NRG3: variants seen among roughly 807,000 people sequenced by gnomAD.
NRG3 encodes pro-neuregulin-3, membrane-bound isoform.
Under a neutral mutation model 66.9 loss-of-function variants are expected in NRG3, and 31 were observed. The ratio of observed to expected loss-of-function variants is 0.46; its 90% CI spans 0.35 to 0.63. NRG3 has a LOEUF of 0.63. Among genes scored for constraint, NRG3 ranks in the 20% least tolerant of loss-of-function variants. NRG3 has a pLI of 0.00. For synonymous variants in NRG3, 393 were observed against 359.4 expected (o/e 1.09, Z -1.06); for missense variants, 910 against 878.9 (o/e 1.04, Z -0.45).
At chr10:82,481,771 G>T (rs1257236884) in intron 2 of NRG3, among the ~76,000 whole-genome samples, 1 of 152,100 alleles carries the variant, frequency 6.6e-6, no homozygotes, top group Admixed American at 6.6e-5. Context: ...GATCACTTGA[G>T]GTCAGGAGTT....
At chr10:82,364,454 T>C (rs2084392629) in intron 2 of NRG3, among the ~76,000 whole-genome samples, 1 of 152,162 alleles carries the variant, frequency 6.6e-6, no homozygotes, top group South Asian at 2.1e-4. Context: ...ATATTCTGAA[T>C]AAAATCAGAA....
At chr10:82,308,666 A>C (rs1379952183) in intron 1 of NRG3, among the ~76,000 whole-genome samples, 1 of 152,132 alleles carries the variant, frequency 6.6e-6, no homozygotes, top group Non-Finnish European at 1.5e-5. Context: ...TTTTAGTTCA[A>C]GTATTAATAT....
At chr10:82,008,717 C>A (rs541049996) in intron 1 of NRG3, among the ~76,000 whole-genome samples, 2 of 151,978 alleles carry the variant, frequency 1.3e-5, no homozygotes, top group South Asian at 4.2e-4. Context: ...TCCTTGGTAC[C>A]CATGAGGAAC....
At chr10:82,062,320 G>A (rs2133243537) in intron 1 of NRG3, among the ~76,000 whole-genome samples, 1 of 152,134 alleles carries the variant, frequency 6.6e-6, no homozygotes, top group South Asian at 2.1e-4. Context: ...TAAGAATTAA[G>A]GCAGGCCGGG....
chr10:82,401,101 G>A (rs1365844235), intron 2 of NRG3, among the ~76,000 whole-genome samples: 3 of 152,018 alleles, frequency 2.0e-5, no homozygotes, highest in Admixed American at 2.0e-4. Context: ...AGGGCTTCCT[G>A]GAATGCAGAA....
chr10:82,564,058 T>A (rs2045233183), intron 2 of NRG3, among the ~76,000 whole-genome samples: 1 of 152,108 alleles, frequency 6.6e-6, no homozygotes, highest in African/African-American at 2.4e-5. Flanking sequence ...GGGTCATTTT[T>A]TGAGAAACAG....
rs999876279 is a variant in NRG3, at chr10:82,358,746, G to A, written c.831G>A (p.Thr277=). The A allele has an allele frequency of 1.4e-5, 22 of 1,613,908 alleles. No individual in the cohort carries two copies. The highest frequency in any genetic ancestry group is 2.2e-5 in the East Asian group (1 of 44,876). The change falls in exon 2 of 9, where the codon ACG becomes ACA. Residue 277 remains threonine, a synonymous_variant. Transcript: ENST00000372141. ...CTGTGCTTTCCCTGACAGATACGACGACATATTCCACAGAGCGATCCGAGC... is the reference window on the plus strand; with the variant it reads ...CTGTGCTTTCCCTGACAGATACGACAACATATTCCACAGAGCGATCCGAGC... The part of the protein sequence containing the change: ...ETSTSPKFHT[T]TYSTERSEHF...
chr10:82,159,595 C>T (rs555222467), intron 1 of NRG3, among the ~76,000 whole-genome samples: 1 of 151,924 alleles, frequency 6.6e-6, no homozygotes, highest in South Asian at 2.1e-4. Context: ...ATATTTTAAG[C>T]ATGTTTATTT....
chr10:82,650,982 CA>C (rs1208574881), intron 2 of NRG3, among the ~76,000 whole-genome samples: 1 of 152,114 alleles, frequency 6.6e-6, no homozygotes, highest in Non-Finnish European at 1.5e-5. Flanking sequence ...CACATTTAAA[CA>C]GAGAAGCTTT....
At chr10:82,700,870 A>T (rs1442679662) in intron 2 of NRG3, among the ~76,000 whole-genome samples, 1 of 152,134 alleles carries the variant, frequency 6.6e-6, no homozygotes, top group Non-Finnish European at 1.5e-5. Flanking sequence ...GATCTTGGAC[A>T]CAAGGGAACA....
At chr10:82,721,947 GA>G (rs537584553) in intron 2 of NRG3, among the ~76,000 whole-genome samples, 5,779 of 108,780 alleles carry the variant, frequency 0.053, 342 homozygotes, top group African/African-American at 0.16. Context: ...TTTGTTACAA[GA>G]AAAAAAAAAA....
At chr10:81,894,288 C>T (rs1367671479) in intron 1 of NRG3, among the ~76,000 whole-genome samples, 1 of 151,904 alleles carries the variant, frequency 6.6e-6, no homozygotes, top group Non-Finnish European at 1.5e-5. Flanking sequence ...TTGCAGTGAG[C>T]CAAGATCACA....
intron 2 of NRG3, among the ~76,000 whole-genome samples, chr10:82,613,427 AT>A (rs940243721): frequency 4.0e-5 from 6 of 151,582 alleles, no homozygotes; most frequent in South Asian, 2.1e-4. Flanking sequence ...TTTAAAAAAA[AT>A]AATTAATTAA....
chr10:82,494,938 T>A (rs974512004), intron 2 of NRG3, among the ~76,000 whole-genome samples: 5 of 151,984 alleles, frequency 3.3e-5, no homozygotes, highest in Non-Finnish European at 5.9e-5. Context: ...TCTTTCTTTT[T>A]TCTTTTTTTT....
intron 1 of NRG3, among the ~76,000 whole-genome samples, chr10:82,246,969 GC>G (rs1256068074): frequency 6.6e-6 from 1 of 152,150 alleles, no homozygotes; most frequent in Non-Finnish European, 1.5e-5. Context: ...GAGAAAACCT[GC>G]CGTAAGCTAT....
chr10:82,490,816 C>A (rs1449464818), intron 2 of NRG3, among the ~76,000 whole-genome samples: 1 of 152,088 alleles, frequency 6.6e-6, no homozygotes, highest in Non-Finnish European at 1.5e-5. Flanking sequence ...TGTTAACACA[C>A]TGATCCAAAC....
chr10:82,199,136 C>T (rs921776080), intron 1 of NRG3, among the ~76,000 whole-genome samples: 1 of 147,320 alleles, frequency 6.8e-6, no homozygotes, highest in African/African-American at 2.5e-5. Context: ...GCTACCCCTG[C>T]ACTCCAGCTT....
chr10:82,058,924 C>A (rs564195759), intron 1 of NRG3, among the ~76,000 whole-genome samples: 2 of 152,076 alleles, frequency 1.3e-5, no homozygotes, highest in Non-Finnish European at 2.9e-5. Context: ...AGCTTCCTGG[C>A]AGGGGTGATT....
rs181713849 is a variant in NRG3 at position 82,856,638 on chromosome 10, G to A, written c.1028-8773G>A. On this transcript the variant is annotated intron_variant, in intron 3 of 8. Coordinates refer to ENST00000372141, the MANE Select transcript of NRG3 (RefSeq NM_001010848.4). Reference sequence around the variant, plus strand: ...CCGTGCCTGTAATCCCAGCTACTTGGGGGGCTGAGACAGGAGAATCACTTA... The same window carrying A: ...CCGTGCCTGTAATCCCAGCTACTTGAGGGGCTGAGACAGGAGAATCACTTA... Among the ~76,000 whole-genome samples the A allele has an allele frequency of 2.6e-5, 4 of 151,724 alleles. No homozygotes were observed. In the East Asian group the frequency reaches 7.8e-4, roughly 29 times the overall value.
Sources: gnomAD v4.1 joint callset for allele counts (sites outside exome capture counted in the v4.1 genomes callset) on GRCh38, gnomAD v4.1.1 for gene constraint, MANE v1.5 for transcripts, NCBI Gene and HGNC (gene_info 2026-07-23, HGNC 2026-07-21) for gene names.